The following DAB1 variants were observed in gnomAD, a reference collection of about 807,000 sequenced individuals.
DAB1 encodes DAB adaptor protein 1, also known as disabled homolog 1.
A neutral mutation model predicts 64.6 loss-of-function variants in DAB1; 15 were observed. That is an observed-to-expected ratio of 0.23 (90% CI 0.16 to 0.36). The LOEUF (loss-of-function observed/expected upper bound fraction) is 0.36. DAB1 is among the 10% of genes least tolerant of loss of function. The pLI, the probability that DAB1 is intolerant of heterozygous loss-of-function variation, is 1.00. For missense variants in DAB1, 596 were observed against 706.7 expected (o/e 0.84, Z 1.78); for synonymous variants, 235 against 251.9 (o/e 0.93, Z 0.64).
intron 1 of DAB1, among the ~76,000 whole-genome samples, chr1:57,373,992 G>T (rs538425778): frequency 1.1e-3 from 168 of 152,092 alleles, no homozygotes; most frequent in Non-Finnish European, 1.8e-3. Flanking sequence ...TTTTTTTTGA[G>T]CCCAGAAAAA....
chr1:57,464,053 G>C (rs1052576899), intron 7 of DAB1, among the ~76,000 whole-genome samples: 2 of 152,032 alleles, frequency 1.3e-5, no homozygotes, highest in African/African-American at 4.8e-5. Context: ...TTTTTTCTTC[G>C]ATCCTCAATA....
chr1:57,052,666 T>A (rs186379540), intron 9 of DAB1, among the ~76,000 whole-genome samples: 201 of 152,296 alleles, frequency 1.3e-3, no homozygotes, highest in African/African-American at 4.5e-3. Context: ...GATATTGAGA[T>A]AAATACTGGC....
rs147128454 is a variant in DAB1 at position 57,527,942 on chromosome 1, C to T, written n.625+121650G>A. Among the ~76,000 whole-genome samples, 160 of 151,712 alleles carry T rather than the reference C, an allele frequency of 1.1e-3. 1 individual carries two copies. The East Asian group carries it at 0.024, about 22-fold the overall frequency. On this transcript the variant is annotated intron_variant and non_coding_transcript_variant, in intron 7 of 20. Coordinates refer to the DAB1 transcript ENST00000485760. ...GCTGAGCAAAACGTCCCTCATACAACGAAAGATAATAAGATATGCAAAAAA... is the reference window on the plus strand; with the variant it reads ...GCTGAGCAAAACGTCCCTCATACAATGAAAGATAATAAGATATGCAAAAAA...
intron 3 of DAB1, among the ~76,000 whole-genome samples, chr1:58,411,763 C>A (rs1644671635): frequency 6.6e-6 from 1 of 152,150 alleles, no homozygotes; most frequent in African/African-American, 2.4e-5. Flanking sequence ...ATGGAAAATC[C>A]TTTCTGTCTG....
At chr1:57,959,571 T>C (rs1645469273) in intron 5 of DAB1, among the ~76,000 whole-genome samples, 1 of 152,128 alleles carries the variant, frequency 6.6e-6, no homozygotes, top group Non-Finnish European at 1.5e-5. Context: ...ATTAGAGTGG[T>C]TGTGGTTCTC....
At chr1:57,775,143 T>C (rs1164698219) in intron 6 of DAB1, among the ~76,000 whole-genome samples, 3 of 151,470 alleles carry the variant, frequency 2.0e-5, no homozygotes, top group African/African-American at 7.2e-5. Context: ...GGAATTTATG[T>C]CTTTTCCTCT....
chr1:58,182,034 A>G (rs1557685288), intron 4 of DAB1, among the ~76,000 whole-genome samples: 1 of 152,018 alleles, frequency 6.6e-6, no homozygotes, highest in South Asian at 2.1e-4. Context: ...ATCTTTGTGC[A>G]GAATAGTTTT....
chr1:57,096,058 G>T (rs1654132705), intron 4 of DAB1, among the ~76,000 whole-genome samples: 1 of 152,112 alleles, frequency 6.6e-6, no homozygotes, highest in Non-Finnish European at 1.5e-5. Flanking sequence ...GAACTTTGAT[G>T]CATTTTCTCA....
intron 3 of DAB1, among the ~76,000 whole-genome samples, chr1:58,375,892 C>T (rs1303110976): frequency 6.9e-6 from 1 of 144,384 alleles, no homozygotes; most frequent in East Asian, 2.0e-4. Context: ...GATTCAACTT[C>T]TTCCTGGTTT....
chr1:57,623,857 A>G (rs1375268348), intron 7 of DAB1, among the ~76,000 whole-genome samples: 2 of 152,186 alleles, frequency 1.3e-5, no homozygotes, highest in African/African-American at 4.8e-5. Context: ...TAAGGTGAAG[A>G]AAGAGGTCCA....
intron 4 of DAB1, among the ~76,000 whole-genome samples, chr1:58,236,598 T>A (rs568195538): frequency 4.6e-5 from 7 of 152,320 alleles, no homozygotes; most frequent in African/African-American, 1.4e-4. Flanking sequence ...AGAGATTATA[T>A]GTGTGCATAA....
At chr1:57,576,258 A>C (rs1245566627) in intron 7 of DAB1, among the ~76,000 whole-genome samples, 1 of 152,170 alleles carries the variant, frequency 6.6e-6, no homozygotes, top group Non-Finnish European at 1.5e-5. Context: ...AGGCTAAGCT[A>C]TGAGATTTGG....
chr1:58,433,041 G>A (rs541240738), intron 3 of DAB1, among the ~76,000 whole-genome samples: 2 of 152,354 alleles, frequency 1.3e-5, no homozygotes, highest in South Asian at 2.1e-4. Context: ...GTGCTCCCAT[G>A]TGTGGATAAT....
rs569415899 is a variant in DAB1, at chr1:58,112,312, T to A, written n.387+38199A>T. ...AAGTTCCTTAAGAGCAATGACCTTG[T>A]TTGCCTTGTTCAGGGCCATATGCAA... On this transcript the variant is annotated intron_variant and non_coding_transcript_variant, in intron 5 of 20. Coordinates refer to the DAB1 transcript ENST00000485760. 7.9e-5 allele frequency among the ~76,000 whole-genome samples: 12 copies of A among 152,340 alleles called. No individual in the cohort carries two copies. The East Asian group carries it at 2.3e-3, about 29-fold the overall frequency.
chr1:58,472,761 T>TTACAAGTTCTTACA (rs1446463936), intron 3 of DAB1, among the ~76,000 whole-genome samples: 1 of 152,264 alleles, frequency 6.6e-6, no homozygotes, highest in Admixed American at 6.5e-5. Context: ...TACACTTGTC[T>TTACAAGTTCTTACA]CTTGAAGTTC....
upstream of DAB1, among the ~76,000 whole-genome samples, chr1:57,886,623 T>C (rs1644227786): frequency 1.3e-5 from 2 of 152,192 alleles, no homozygotes; most frequent in Admixed American, 6.5e-5. Context: ...TTATCCCCTC[T>C]TAGTGTCACG....
At chr1:58,033,537 C>T (rs1647000535) in intron 5 of DAB1, among the ~76,000 whole-genome samples, 1 of 152,168 alleles carries the variant, frequency 6.6e-6, no homozygotes, top group African/African-American at 2.4e-5. Flanking sequence ...TCCTTCAAAA[C>T]TCAATCAAAG....
At chr1:58,346,754 C>A (rs1644004667) in intron 3 of DAB1, among the ~76,000 whole-genome samples, 1 of 152,184 alleles carries the variant, frequency 6.6e-6, no homozygotes, top group South Asian at 2.1e-4. Flanking sequence ...ACCTCAGGAT[C>A]CTCATCTAGA....
At chr1:57,296,246 T>A (rs551913047) in intron 1 of DAB1, among the ~76,000 whole-genome samples, 13 of 152,312 alleles carry the variant, frequency 8.5e-5, no homozygotes, top group African/African-American at 3.1e-4. Flanking sequence ...CTGAAAATTG[T>A]AGGTTTCAAA....
Sources: allele counts gnomAD v4.1 joint callset (sites outside exome capture counted in the v4.1 genomes callset), GRCh38; gene constraint gnomAD v4.1.1; transcripts MANE v1.5; gene names NCBI Gene and HGNC (gene_info 2026-07-23, HGNC 2026-07-21).